The following C12orf57 variants were observed in gnomAD, a reference collection of about 807,000 sequenced individuals.
C12orf57 encodes chromosome 12 open reading frame 57.
Under a neutral mutation model 11.3 loss-of-function variants are expected in C12orf57, and 14 were observed. That is an observed-to-expected ratio of 1.24 (90% confidence interval 0.82 to 1.94). C12orf57 has a LOEUF of 1.94. Ranked by LOEUF, C12orf57 falls within the 30% of genes most tolerant of loss-of-function variation. The pLI, the probability that C12orf57 is intolerant of heterozygous loss-of-function variation, is 0.00. For synonymous variants in C12orf57, 100 were observed against 74.6 expected, an observed-to-expected ratio of 1.34 and a Z score of -1.76; for missense variants, 229 against 172.4, an observed-to-expected ratio of 1.33 and a Z score of -1.84.
At chr12:6,943,673 T>C, upstream of C12orf57, 1 of 1,283,504 alleles carries the variant, frequency 7.8e-7, no homozygotes, top group Non-Finnish European at 1.0e-6. Context: ...GTAAGTTCCT[T>C]AGAATATTAT....
chr12:6,945,610 A>T (rs186705202), intron 2 of C12orf57, among the ~76,000 whole-genome samples, 161 bp from the exon 3 acceptor site: 19 of 152,260 alleles, frequency 1.2e-4, no homozygotes, highest in Admixed American at 1.0e-3. Flanking sequence ...ACCAAATGTC[A>T]TCATCCAAAC....
rs782511962 is a variant in C12orf57, at chr12:6,944,044, G to C, written c.-78G>C. 2 of 1,611,442 alleles carry C rather than the reference G, an allele frequency of 1.2e-6. No homozygotes were observed. Among genetic ancestry groups the C allele is most frequent in the African/African-American group, 2.7e-5 (2 of 75,028 alleles). The stretch of plus-strand genomic sequence containing the variant: ...TTTCCTTTCCGCTCCCAGGGGCGTT[G>C]GGAACGGTTGTAGGACGTGGCTCTT... On this transcript the variant is annotated 5_prime_UTR_variant, in exon 1 of 3. Coordinates refer to ENST00000229281, the MANE Select transcript of C12orf57 (RefSeq NM_138425.4).
Position 6,944,403 on chromosome 12 carries a change from C to T in C12orf57, c.53-73C>T, listed in dbSNP as rs782397533. The T allele has an allele frequency of 7.0e-5, 109 of 1,568,314 alleles. No homozygotes were observed. The African/African-American group carries it at 1.3e-3, about 19-fold the overall frequency. On this transcript the variant is annotated intron_variant, in intron 1 of 2. Coordinates refer to ENST00000229281, the MANE Select transcript of C12orf57 (RefSeq NM_138425.4). ...AGCCTCAATCCACTAATTCCTTGCG[C>T]TCTCCGCTGGGCCCGCTGTCTGTTC...
In C12orf57 at chr12:6,944,129, C is replaced by T. The variant is rs368241854; in HGVS notation, c.8C>T (p.Ser3Phe). ...TAGAGCTTCAGACGCCCTATGGCGT[C>T]CGCCTCGACCCAACCGGCGGCCTTG... MA[S>F]ASTQPAALSA... The change falls in exon 1 of 3, where the codon TCC becomes TTC. Residue 3 changes from serine (S) to phenylalanine (F), a missense_variant. Coordinates refer to ENST00000229281, the MANE Select transcript of C12orf57 (RefSeq NM_138425.4). 195 of 1,614,134 alleles carry T rather than the reference C, an allele frequency of 1.2e-4. No homozygotes were observed. The highest frequency in any genetic ancestry group is 1.6e-4 in the Non-Finnish European group (186 of 1,180,048).
chr12:6,945,634 G>A, intron 2 of C12orf57, 137 bp from the exon 3 acceptor site: 1 of 855,724 alleles, frequency 1.2e-6, no homozygotes, highest in Non-Finnish European at 1.9e-6. Context: ...ACGGGACAGA[G>A]GCCTGCATGC....
upstream of C12orf57, chr12:6,943,824 C>T (rs1042541494): frequency 3.7e-5 from 32 of 857,344 alleles, no homozygotes; most frequent in Middle Eastern, 3.9e-4. Context: ...AGCAGTGTTA[C>T]AGCTCTTTTA....
intron 2 of C12orf57, 52 bp from the exon 3 acceptor site, chr12:6,945,719 T>C: frequency 6.3e-7 from 1 of 1,591,536 alleles, no homozygotes; most frequent in Non-Finnish European, 8.6e-7. Context: ...TCCAGGTGTC[T>C]TAGGCACGCT....
upstream of C12orf57, chr12:6,943,563 G>T (rs1555145315): frequency 7.8e-7 from 1 of 1,289,456 alleles, no homozygotes; most frequent in South Asian, 1.2e-5. Context: ...TAACAACAAC[G>T]AAGGGGCTGT....
intron 2 of C12orf57, 175 bp downstream of exon 2, chr12:6,944,827 G>A (rs1555146204): frequency 8.3e-6 from 12 of 1,449,980 alleles, no homozygotes; most frequent in African/African-American, 1.4e-5. Context: ...GAGCTTGTGC[G>A]TCCGAGTTGC....
chr12:6,944,369 G>A (rs1460102676), intron 1 of C12orf57, 107 bp from the exon 2 acceptor site: 29 of 1,554,026 alleles, frequency 1.9e-5, no homozygotes, highest in East Asian at 2.4e-5. Context: ...ATCTTATTGG[G>A]TTACCTACAG....
Position 6,944,568 on chromosome 12 carries a change from A to G in C12orf57, c.145A>G (p.Lys49Glu), listed in dbSNP as rs1555146033. 1 of 1,614,178 alleles carries G rather than the reference A, an allele frequency of 6.2e-7. No individual in the cohort carries two copies. Among genetic ancestry groups the G allele is most frequent in the Non-Finnish European group, 8.5e-7 (1 of 1,180,030 alleles). ...GGATAACGCCTGCAACGACATGGGT[A>G]AGATGCTGCAATTCGTGCTGCCCGT... The part of the protein sequence containing the change: ...ARDNACNDMG[K>E]MLQFVLPVAT... The change falls in exon 2 of 3, where the codon AAG (lysine) becomes GAG (glutamate). Residue 49 changes from lysine (K) to glutamate (E), a missense_variant. Lys to Glu is a moderately conservative substitution (Grantham distance 56, BLOSUM62 1). Transcript: ENST00000229281.
At chr12:6,944,383 C>G in intron 1 of C12orf57, 93 bp from the exon 2 acceptor site, 1 of 1,559,240 alleles carries the variant, frequency 6.4e-7, no homozygotes, top group Non-Finnish European at 8.7e-7. Context: ...CCTACAGCCT[C>G]AATCCACTAA....
upstream of C12orf57, chr12:6,943,476 A>C (rs1945679128): frequency 7.9e-7 from 1 of 1,260,652 alleles, no homozygotes; most frequent in South Asian, 1.3e-5. Flanking sequence ...ATCGCTCATC[A>C]ATAGACAAGG....
At chr12:6,944,943 G>GGGGGATGGGACCTAAAT (rs1945763123) in intron 2 of C12orf57, 2 of 1,176,046 alleles carry the variant, frequency 1.7e-6, no homozygotes, top group Non-Finnish European at 2.3e-6. Context: ...TGGATATCTT[G>GGGGGATGGGACCTAAAT]GGGGATGGGA....
At chr12:6,943,860 T>A (rs781874734), upstream of C12orf57, 194 of 932,924 alleles carry the variant, frequency 2.1e-4, no homozygotes, top group Middle Eastern at 2.5e-3. Context: ...GCTTTCTGGC[T>A]TTTTACCGGA....
upstream of C12orf57, chr12:6,943,969 G>A (rs1391693668): frequency 3.2e-5 from 50 of 1,556,992 alleles, no homozygotes; most frequent in East Asian, 1.1e-4. Flanking sequence ...TAAGCTTGGG[G>A]TATGAAGGTT....
chr12:6,945,398 T>A lies in C12orf57; in HGVS notation c.230-373T>A, dbSNP rs78163811. 5.1e-3 allele frequency among the ~76,000 whole-genome samples: 780 copies of A among 152,266 alleles called. 6 individuals are homozygous for A. Among genetic ancestry groups the A allele is most frequent in the African/African-American group, 0.018 (739 of 41,532 alleles). On this transcript the variant is annotated intron_variant, in intron 2 of 2. Transcript: ENST00000229281. The stretch of plus-strand genomic sequence containing the variant: ...GTTGGTGGTTAAATTTTTGGTGAGA[T>A]CCTGGTGTTCCCCAAAGGTGTTGAC...
chr12:6,944,322 G>A, intron 1 of C12orf57, 149 bp downstream of exon 1: 2 of 1,569,852 alleles, frequency 1.3e-6, no homozygotes, highest in Non-Finnish European at 8.6e-7. Flanking sequence ...GCCGGGTACC[G>A]TCCTTCTAAG....
upstream of C12orf57, chr12:6,943,736 A>G (rs1945687185): frequency 8.1e-7 from 1 of 1,231,534 alleles, no homozygotes; most frequent in Non-Finnish European, 1.0e-6. Flanking sequence ...TAATAGGAAC[A>G]AGAAAAAAGT....
Sources: allele counts gnomAD v4.1 joint callset (sites outside exome capture counted in the v4.1 genomes callset), GRCh38; gene constraint gnomAD v4.1.1; transcripts MANE v1.5; gene names NCBI Gene and HGNC (gene_info 2026-07-23, HGNC 2026-07-21).